Variants in MAST4 observed in about 807,000 individuals in gnomAD.
MAST4 encodes microtubule associated serine/threonine kinase family member 4, also known as microtubule-associated serine/threonine-protein kinase 4.
MAST4 carries 89 observed loss-of-function variants against 162.7 expected under a neutral mutation model. The observed-to-expected ratio is 0.55, with a 90% CI of 0.46 to 0.65. The LOEUF (loss-of-function observed/expected upper bound fraction) is 0.65, where lower values mean the gene tolerates loss of function less well. Ranked by LOEUF, MAST4 falls within the 30% of genes least tolerant of loss-of-function variation. The pLI, the probability that MAST4 is intolerant of heterozygous loss-of-function variation, is 0.00. For synonymous variants in MAST4, 1,479 were observed against 1,361.1 expected (o/e 1.09, Z -1.91); for missense variants, 3,153 against 3,374.0 (o/e 0.93, Z 1.62).
Position 66,670,404 on chromosome 5 carries a change from G to A in MAST4, c.363+73386G>A, listed in dbSNP as rs78365650. On this transcript the variant is annotated intron_variant, in intron 1 of 28. Coordinates refer to ENST00000403625, the MANE Select transcript of MAST4 (RefSeq NM_001164664.2). ...TGCAATAATTTACCAACTCCTAATC[G>A]TTGATTTACTTTTCTCTTAGGTGAA... Among the ~76,000 whole-genome samples, 994 of 151,862 alleles carry A rather than the reference G, an allele frequency of 6.5e-3. 1 individual carries two copies. Among genetic ancestry groups the A allele is most frequent in the South Asian group, 0.014 (67 of 4,786 alleles).
chr5:66,622,540 AAG>A (rs1280660373), intron 1 of MAST4, among the ~76,000 whole-genome samples: 1 of 151,844 alleles, frequency 6.6e-6, no homozygotes, highest in Non-Finnish European at 1.5e-5. Flanking sequence ...TAATAGATTA[AAG>A]AGGCTTGGAG....
intron 4 of MAST4, among the ~76,000 whole-genome samples, chr5:66,925,116 A>T (rs756693031): frequency 6.6e-5 from 10 of 152,168 alleles, no homozygotes; most frequent in Non-Finnish European, 1.5e-4. Flanking sequence ...TTCTTATTTG[A>T]TAATTATTGA....
At chr5:66,925,706 A>C (rs1249685826) in intron 4 of MAST4, among the ~76,000 whole-genome samples, 2 of 152,160 alleles carry the variant, frequency 1.3e-5, no homozygotes, top group Non-Finnish European at 2.9e-5. Flanking sequence ...GGTTCCCTGC[A>C]CTGTGCCTAG....
chr5:66,819,022 T>C (rs1756866197), intron 3 of MAST4, among the ~76,000 whole-genome samples: 1 of 152,178 alleles, frequency 6.6e-6, no homozygotes, highest in African/African-American at 2.4e-5. Flanking sequence ...ACGGAGTTAA[T>C]GTCATAGAGA....
intron 1 of MAST4, among the ~76,000 whole-genome samples, chr5:66,685,205 G>C (rs942785000): frequency 5.3e-5 from 8 of 152,124 alleles, no homozygotes; most frequent in African/African-American, 1.9e-4. Flanking sequence ...AGTGGTTGCA[G>C]TGAGCTGAGA....
intron 1 of MAST4, among the ~76,000 whole-genome samples, chr5:66,733,490 G>A (rs1466317297): frequency 1.3e-5 from 2 of 152,226 alleles, no homozygotes; most frequent in African/African-American, 2.4e-5. Flanking sequence ...GTCATTAAGC[G>A]AGTGAGTCAC....
intron 2 of MAST4, among the ~76,000 whole-genome samples, chr5:66,779,716 T>C (rs1246833014): frequency 6.6e-6 from 1 of 151,908 alleles, no homozygotes; most frequent in East Asian, 1.9e-4. Context: ...AGGGAAGAAA[T>C]GTTTAGGAGT....
At chr5:66,855,592 A>G (rs1309326468) in intron 3 of MAST4, among the ~76,000 whole-genome samples, 1 of 152,188 alleles carries the variant, frequency 6.6e-6, no homozygotes, top group East Asian at 1.9e-4. Flanking sequence ...GGGAGGAGAG[A>G]TAAGGAAGCA....
intron 4 of MAST4, among the ~76,000 whole-genome samples, chr5:67,049,023 G>GTATATA (rs10598203): frequency 1.2e-5 from 1 of 85,662 alleles, no homozygotes; most frequent in African/African-American, 4.8e-5. Context: ...ATATATATAC[G>GTATATA]TATATATATA....
rs1271904972 is a variant in MAST4, at chr5:67,004,991, G to T, written c.675-49413G>T. 4.5e-5 allele frequency: 35 copies of T among 769,644 alleles called. No individual in the cohort carries two copies. In the East Asian group the frequency reaches 8.0e-4, roughly 18 times the overall value. The allele number at this position is 769,644 out of a possible 1,614,324, so 47.7% of individuals were successfully genotyped here. A position where few individuals can be genotyped will look rare whatever the true frequency, so the allele number is the denominator to read the frequency against. ...ACCCACAGTGAATTGAAGAGAGAAA[G>T]AAATGGATATGTCTGACCCCAATTT... On this transcript the variant is annotated intron_variant, in intron 4 of 28. Transcript: ENST00000403625.
At chr5:66,828,644 C>G (rs889046625) in intron 3 of MAST4, 7 of 651,330 alleles carry the variant, frequency 1.1e-5, no homozygotes, top group Non-Finnish European at 1.8e-5. Flanking sequence ...GCTGCTCTCT[C>G]CCACCGAACT....
intron 2 of MAST4, among the ~76,000 whole-genome samples, chr5:66,780,122 T>C (rs150012823): frequency 6.6e-6 from 1 of 152,286 alleles, no homozygotes; most frequent in African/African-American, 2.4e-5. Flanking sequence ...ACATGTATAA[T>C]TTAACGGCAT....
At chr5:66,739,647 C>T (rs145900098) in intron 1 of MAST4, among the ~76,000 whole-genome samples, 91 of 152,180 alleles carry the variant, frequency 6.0e-4, no homozygotes, top group Admixed American at 6.5e-4. Context: ...ACACGTATAC[C>T]GGATGTTAAA....
At chr5:67,087,742 G>A (rs1179951315) in intron 5 of MAST4, among the ~76,000 whole-genome samples, 2 of 152,184 alleles carry the variant, frequency 1.3e-5, no homozygotes, top group East Asian at 3.8e-4. Flanking sequence ...ATGTATATGT[G>A]TGTATACGTA....
At chr5:67,139,981 A>C (rs1349289402) in intron 19 of MAST4, among the ~76,000 whole-genome samples, 1 of 152,226 alleles carries the variant, frequency 6.6e-6, no homozygotes, top group Non-Finnish European at 1.5e-5. Flanking sequence ...GATGAAATGA[A>C]GGCTCTCAGC....
chr5:66,966,961 T>C lies in MAST4; in HGVS notation c.674+66979T>C, dbSNP rs929040018. Among the ~76,000 whole-genome samples, 16 of 152,304 alleles carry C rather than the reference T, an allele frequency of 1.1e-4. 1 individual carries two copies. The highest frequency in any genetic ancestry group is 6.5e-4 in the Admixed American group (10 of 15,296). On this transcript the variant is annotated intron_variant, in intron 4 of 28. Transcript: ENST00000403625. ...AGTGAGAAAGTTGTAGGTAGAGATA[T>C]CTGGTTGGCAGCTTGGAATTGGGTA...
chr5:66,957,674 A>C (rs1383439281), intron 4 of MAST4, among the ~76,000 whole-genome samples: 2 of 152,188 alleles, frequency 1.3e-5, no homozygotes, highest in Non-Finnish European at 2.9e-5. Context: ...GAGCAAGTTG[A>C]TAGTTAAGGA....
chr5:66,757,698 GGAGA>G (rs1281836935), intron 1 of MAST4, among the ~76,000 whole-genome samples: 2 of 152,154 alleles, frequency 1.3e-5, no homozygotes, highest in Non-Finnish European at 2.9e-5. Flanking sequence ...TGTGTGAAGA[GGAGA>G]GAGAGCAAAA....
rs373148808 is a variant in MAST4, at chr5:66,751,132, C to A, written c.364-8577C>A. On this transcript the variant is annotated intron_variant, in intron 1 of 28. Transcript: ENST00000403625. ...AACAAACAGAAAGGACATCCACACC[C>A]AAAACCCATCTGTACATCACCATCA... Among the ~76,000 whole-genome samples, 1,341 of 151,104 alleles carry A rather than the reference C, an allele frequency of 8.9e-3. 17 individuals carry two copies. Among genetic ancestry groups the A allele is most frequent in the African/African-American group, 0.03 (1,256 of 41,274 alleles).
Sources: allele counts gnomAD v4.1 joint callset (sites outside exome capture counted in the v4.1 genomes callset), GRCh38; gene constraint gnomAD v4.1.1; transcripts MANE v1.5; gene names NCBI Gene and HGNC (gene_info 2026-07-23, HGNC 2026-07-21).